Variants in RALGAPA2 observed in about 807,000 individuals in gnomAD.
RALGAPA2 encodes Ral GTPase activating protein catalytic subunit alpha 2, also known as ral GTPase-activating protein subunit alpha-2.
RALGAPA2 carries 139 observed loss-of-function variants against 230.4 expected under a neutral mutation model. The observed-to-expected ratio is 0.60, with a 90% CI of 0.53 to 0.69. The LOEUF (loss-of-function observed/expected upper bound fraction) is 0.69, where lower values mean the gene tolerates loss of function less well. RALGAPA2 is among the 30% of genes least tolerant of loss of function. The pLI, the probability that RALGAPA2 is intolerant of heterozygous loss-of-function variation, is 0.00. For synonymous variants in RALGAPA2, 847 were observed against 837.8 expected (o/e 1.01, Z -0.19); for missense variants, 2,163 against 2,276.0 (o/e 0.95, Z 1.01).
intron 4 of RALGAPA2, among the ~76,000 whole-genome samples, chr20:20,651,727 C>T (rs146742863): frequency 3.9e-5 from 6 of 152,290 alleles, no homozygotes; most frequent in African/African-American, 1.4e-4. Flanking sequence ...GAAGAGCCTA[C>T]TAATCTTCAG....
intron 38 of RALGAPA2, among the ~76,000 whole-genome samples, chr20:20,407,629 G>A (rs2059973899): frequency 6.6e-6 from 1 of 152,366 alleles, no homozygotes. Context: ...GCCTCCATCT[G>A]CAGTTTTAGG....
At chr20:20,498,701 C>T (rs1403438945) in intron 35 of RALGAPA2, among the ~76,000 whole-genome samples, 1 of 152,210 alleles carries the variant, frequency 6.6e-6, no homozygotes, top group Non-Finnish European at 1.5e-5. Flanking sequence ...AAACTTCCTG[C>T]CAGAACAGCG....
chr20:20,415,994 G>C (rs911428000), intron 37 of RALGAPA2, among the ~76,000 whole-genome samples: 4 of 152,176 alleles, frequency 2.6e-5, no homozygotes, highest in African/African-American at 9.6e-5. Context: ...GGCAGGGTTT[G>C]AATCTCAGCT....
chr20:20,543,961 A>C (rs983193215), intron 24 of RALGAPA2, among the ~76,000 whole-genome samples: 1 of 151,914 alleles, frequency 6.6e-6, no homozygotes, highest in African/African-American at 2.4e-5. Flanking sequence ...ACAAACAAAC[A>C]ACCCCATATG....
At chr20:20,642,566 T>C (rs1241822923) in intron 5 of RALGAPA2, among the ~76,000 whole-genome samples, 1 of 152,164 alleles carries the variant, frequency 6.6e-6, no homozygotes. Flanking sequence ...GAAGTTTCTA[T>C]GAAATTCTAC....
intron 3 of RALGAPA2, among the ~76,000 whole-genome samples, chr20:20,663,251 T>A (rs993185676): frequency 7.9e-5 from 12 of 152,104 alleles, no homozygotes; most frequent in African/African-American, 2.9e-4. Context: ...GCACAAAATA[T>A]ACAGAGCCAC....
intron 23 of RALGAPA2, among the ~76,000 whole-genome samples, chr20:20,547,648 T>G (rs1463840176): frequency 6.6e-6 from 1 of 151,754 alleles, no homozygotes; most frequent in Non-Finnish European, 1.5e-5. Context: ...AGCGTGTTTG[T>G]GTGTGTGTGT....
intron 37 of RALGAPA2, among the ~76,000 whole-genome samples, chr20:20,432,493 A>G (rs2060522098): frequency 6.6e-6 from 1 of 152,176 alleles, no homozygotes; most frequent in Non-Finnish European, 1.5e-5. Flanking sequence ...GCACAAATTA[A>G]AGGCACCTAC....
At chr20:20,582,161 A>AGTGTGTGTGTGTGTGTGTGT (rs35240382) in intron 20 of RALGAPA2, among the ~76,000 whole-genome samples, 4 of 146,066 alleles carry the variant, frequency 2.7e-5, no homozygotes, top group Admixed American at 6.9e-5. Flanking sequence ...AGTGTCACAC[A>AGTGTGTGTGTGTGTGTGTGT]GTGTGTGTGT....
In RALGAPA2 at chr20:20,390,135, G is replaced by C. The variant is rs1426323847; in HGVS notation, c.*3154C>G. ...ATTCATCAGACCTCCACATGACACCGATACAGCAGGTCCATGGGGCGCAGG... is the reference window on the plus strand; with the variant it reads ...ATTCATCAGACCTCCACATGACACCCATACAGCAGGTCCATGGGGCGCAGG... On this transcript the variant is annotated 3_prime_UTR_variant, in exon 40 of 40. Transcript: ENST00000202677. 1.3e-5 allele frequency: 2 copies of C among 152,140 alleles called. No individual in the cohort carries two copies. Among genetic ancestry groups the C allele is most frequent in the African/African-American group, 2.4e-5 (1 of 41,434 alleles). The allele number at this position is 152,140 out of a possible 1,614,324, so 9.4% of individuals were successfully genotyped here.
At chr20:20,472,989 A>G (rs759678841) in intron 36 of RALGAPA2, 33 bp from the exon 37 acceptor site, 1 of 1,582,684 alleles carries the variant, frequency 6.3e-7, no homozygotes, top group Non-Finnish European at 8.6e-7. Context: ...CAAATTTTAA[A>G]AACTGATAAA....
intron 1 of RALGAPA2, among the ~76,000 whole-genome samples, chr20:20,709,318 C>CAAAAAA (rs111600711): frequency 7.1e-6 from 1 of 140,250 alleles, no homozygotes; most frequent in African/African-American, 2.6e-5. Context: ...GACTCCATCT[C>CAAAAAA]AAAAAAAAAA....
At chr20:20,470,882 A>G (rs1202547153) in intron 37 of RALGAPA2, 2 of 152,202 alleles carry the variant, frequency 1.3e-5, no homozygotes, top group East Asian at 1.9e-4. Context: ...AATGATTGCA[A>G]AGTTTTCCCC....
intron 23 of RALGAPA2, among the ~76,000 whole-genome samples, chr20:20,559,110 G>T (rs1202119799): frequency 6.6e-6 from 1 of 152,082 alleles, no homozygotes; most frequent in Non-Finnish European, 1.5e-5. Flanking sequence ...TTCATTCTAA[G>T]AAAACACAAA....
At chr20:20,526,029 C>T (rs2145498251) in intron 28 of RALGAPA2, among the ~76,000 whole-genome samples, 1 of 152,318 alleles carries the variant, frequency 6.6e-6, no homozygotes, top group South Asian at 2.1e-4. Flanking sequence ...GCCTTTCAAA[C>T]TCCCCAAGTA....
chr20:20,656,592 C>CA (rs923046656), intron 3 of RALGAPA2, among the ~76,000 whole-genome samples: 2 of 152,016 alleles, frequency 1.3e-5, no homozygotes, highest in South Asian at 2.1e-4. Context: ...ATGGATAACA[C>CA]AAAAAAGGAG....
intron 23 of RALGAPA2, among the ~76,000 whole-genome samples, chr20:20,549,188 G>A (rs1568566680): frequency 6.6e-6 from 1 of 152,098 alleles, no homozygotes; most frequent in African/African-American, 2.4e-5. Context: ...CCTTTAACAA[G>A]CTAATACCAC....
chr20:20,681,164 T>A (rs1278218838), intron 1 of RALGAPA2, among the ~76,000 whole-genome samples: 1 of 152,110 alleles, frequency 6.6e-6, no homozygotes, highest in African/African-American at 2.4e-5. Context: ...AGGAGGCAGT[T>A]TTTGACACAG....
At position 20,571,882 on chromosome 20, in the gene RALGAPA2, G is replaced by A; in HGVS notation, c.2966C>T (p.Pro989Leu). 1.2e-6 allele frequency: 2 copies of A among 1,611,808 alleles called. No individual in the cohort carries two copies. Among genetic ancestry groups the A allele is most frequent in the South Asian group, 2.2e-5 (2 of 90,594 alleles). The part of the protein sequence containing the change: ...QSSPSPPVLI[P>L]PLRMFASWLF... The stretch of plus-strand genomic sequence containing the variant: ...CCATGATGCAAACATTCTGAGTGGT[G>A]GGATCAAAACTGGAGGAGATGGAGA... Residue 989 changes from proline to leucine, a missense_variant, in exon 22 of 40, where the codon CCA becomes CTA. Physicochemically the swap from Pro to Leu is moderately conservative, Grantham distance 98. Coordinates refer to ENST00000202677, the MANE Select transcript of RALGAPA2 (RefSeq NM_020343.4).
Sources: allele counts gnomAD v4.1 joint callset (sites outside exome capture counted in the v4.1 genomes callset), GRCh38; gene constraint gnomAD v4.1.1; transcripts MANE v1.5; gene names NCBI Gene and HGNC (gene_info 2026-07-23, HGNC 2026-07-21).